The following CLASP1 variants were observed in gnomAD, a reference collection of about 807,000 sequenced individuals.
CLASP1 encodes the protein CLIP-associating protein 1.
CLASP1 carries 38 observed loss-of-function variants against 192.3 expected under a neutral mutation model. The observed-to-expected ratio is 0.20, with a 90% CI of 0.15 to 0.26. CLASP1 has a LOEUF of 0.26. CLASP1 is among the 10% of genes least tolerant of loss of function. The pLI is 1.00. For missense variants in CLASP1, 1,433 were observed against 1,932.5 expected (o/e 0.74, Z 4.85); for synonymous variants, 691 against 712.8 (o/e 0.97, Z 0.49).
exon 14 of CLASP1, chr2:121,457,716 G>A (rs1465630497): frequency 1.9e-6 from 3 of 1,613,282 alleles, no homozygotes; most frequent in Non-Finnish European, 2.5e-6. Flanking sequence ...TAGAGGTACA[G>A]TTGCTTGTTA....
chr2:121,568,784 AGAG>A lies in CLASP1; in HGVS notation c.195+36914_195+36916del, dbSNP rs557777093. Among the ~76,000 whole-genome samples, 246 of 152,192 alleles carry A rather than the reference AGAG, an allele frequency of 1.6e-3. 4 individuals carry two copies. Among genetic ancestry groups the A allele is most frequent in the African/African-American group, 5.3e-3 (220 of 41,538 alleles). On this transcript the variant is annotated intron_variant, in intron 2 of 39. Transcript: ENST00000263710. ...AGGGTCCTATAAAATAGAGCAAATC[AGAG>A]GAGAACTCTGTCATATCCAGGTCCT... is the stretch of plus-strand genomic sequence containing the variant.
chr2:121,527,531 C>T (rs574407527), intron 5 of CLASP1, among the ~76,000 whole-genome samples: 7 of 152,298 alleles, frequency 4.6e-5, no homozygotes, highest in African/African-American at 1.7e-4. Context: ...CCGGCAGTGA[C>T]TGTGCAGTTG....
chr2:121,443,146 G>A (rs985855384), intron 19 of CLASP1, among the ~76,000 whole-genome samples: 2 of 152,014 alleles, frequency 1.3e-5, no homozygotes, highest in African/African-American at 2.4e-5. Flanking sequence ...CTTCAGCAAC[G>A]GTCTCTATTG....
chr2:121,388,682 C>T (rs1205621191), intron 30 of CLASP1, among the ~76,000 whole-genome samples: 1 of 151,962 alleles, frequency 6.6e-6, no homozygotes, highest in Admixed American at 6.6e-5. Flanking sequence ...AGCACAATGC[C>T]TGAGGAATTA....
At chr2:121,508,360 C>T (rs1013178662) in intron 7 of CLASP1, among the ~76,000 whole-genome samples, 2 of 152,032 alleles carry the variant, frequency 1.3e-5, no homozygotes, top group African/African-American at 4.8e-5. Flanking sequence ...ATAATTCCCC[C>T]CAAAAAACTA....
At chr2:121,460,400 T>G (rs2087669126) in intron 11 of CLASP1, among the ~76,000 whole-genome samples, 1 of 152,186 alleles carries the variant, frequency 6.6e-6, no homozygotes, top group Non-Finnish European at 1.5e-5. Flanking sequence ...CTTAAAGTAT[T>G]TATAGATCCT....
intron 37 of CLASP1, among the ~76,000 whole-genome samples, chr2:121,352,410 A>G (rs1272375531): frequency 2.0e-5 from 3 of 152,212 alleles, no homozygotes; most frequent in Admixed American, 2.0e-4. Context: ...TTTCTTGCCA[A>G]TTCAAACTCC....
chr2:121,397,430 C>G, intron 29 of CLASP1, 147 bp from the exon 31 acceptor site: 1 of 683,722 alleles, frequency 1.5e-6, no homozygotes, highest in East Asian at 2.7e-5. Context: ...GGAGCGACAT[C>G]CAACAGAGGA....
intron 37 of CLASP1, among the ~76,000 whole-genome samples, chr2:121,360,847 T>C (rs888639882): frequency 1.9e-4 from 29 of 152,202 alleles, no homozygotes; most frequent in Admixed American, 1.8e-3. Context: ...ATGGGGACCC[T>C]TGAACCCGAG....
chr2:121,555,800 G>A (rs2058493683), intron 2 of CLASP1, among the ~76,000 whole-genome samples: 1 of 151,996 alleles, frequency 6.6e-6, no homozygotes, highest in African/African-American at 2.4e-5. Flanking sequence ...TCCTGCCTCA[G>A]CCTCCTGAGT....
intron 2 of CLASP1, among the ~76,000 whole-genome samples, chr2:121,592,669 T>C (rs930803290): frequency 3.3e-5 from 5 of 152,214 alleles, no homozygotes; most frequent in African/African-American, 1.2e-4. Flanking sequence ...TGTTTTTTTG[T>C]TTGAGACAGA....
intron 19 of CLASP1, chr2:121,445,352 C>T (rs1004640561): frequency 1.2e-5 from 8 of 653,858 alleles, no homozygotes; most frequent in Non-Finnish European, 1.9e-5. Context: ...AAAGAGTTAC[C>T]CAAAAGGCAG....
intron 2 of CLASP1, among the ~76,000 whole-genome samples, chr2:121,574,100 CGGGCAGAT>C (rs2060233870): frequency 6.6e-6 from 1 of 152,114 alleles, no homozygotes; most frequent in Non-Finnish European, 1.5e-5. Context: ...TGGCCCGAGG[CGGGCAGAT>C]CACAAGGTCA....
At chr2:121,384,448 A>G (rs2072717309) in intron 32 of CLASP1, among the ~76,000 whole-genome samples, 1 of 152,118 alleles carries the variant, frequency 6.6e-6, no homozygotes, top group Admixed American at 6.5e-5. Context: ...TTGGCCTCCC[A>G]AAGTGCTGGG....
intron 28 of CLASP1, among the ~76,000 whole-genome samples, chr2:121,400,739 T>C (rs1323843070): frequency 2.0e-5 from 3 of 152,224 alleles, no homozygotes; most frequent in Non-Finnish European, 4.4e-5. Flanking sequence ...ATTATTCCAG[T>C]TTGTAGTAAC....
Position 121,611,965 on chromosome 2 carries a change from T to C in CLASP1, c.-285-5785A>G, listed in dbSNP as rs1386283290. Among the ~76,000 whole-genome samples the C allele has an allele frequency of 5.3e-5, 7 of 131,694 alleles. No homozygotes were observed. In the South Asian group the frequency reaches 1.2e-3, roughly 23 times the overall value. 86.4% of individuals were successfully genotyped at this position (131,694 alleles called of 152,430 possible). ...GGAAGAGGAACTGGAGAAGGAGGCA[T>C]TGGAGGAGTTACAGGATAAAGTGGA... On this transcript the variant is annotated intron_variant, in intron 1 of 39. Transcript: ENST00000263710.
At chr2:121,637,335 T>C (rs1386704413) in intron 1 of CLASP1, among the ~76,000 whole-genome samples, 4 of 151,888 alleles carry the variant, frequency 2.6e-5, no homozygotes, top group African/African-American at 9.7e-5. Flanking sequence ...CACTCAGGGA[T>C]ACAGAAAATA....
At chr2:121,560,001 G>A (rs1014109691) in intron 2 of CLASP1, among the ~76,000 whole-genome samples, 10 of 152,066 alleles carry the variant, frequency 6.6e-5, no homozygotes, top group Admixed American at 2.0e-4. Flanking sequence ...AATAAAACCT[G>A]TAGTTTGATT....
In CLASP1 at chr2:121,367,486, G is replaced by A. The variant is rs374412471; in HGVS notation, c.3886+102C>T. On this transcript the variant is annotated intron_variant, in intron 35 of 39. Transcript: ENST00000263710. ...ACTAAGCAGAAAGAACAGACCCAGC[G>A]TCTCCATTTACATCTGACCAGTGGG... The A allele has an allele frequency of 1.2e-4, 178 of 1,462,400 alleles. 2 individuals carry two copies. The South Asian group carries it at 1.5e-3, about 12-fold the overall frequency. The allele number at this position is 1,462,400 out of a possible 1,614,324, so 90.6% of individuals were successfully genotyped here. A position where few individuals can be genotyped will look rare whatever the true frequency, so the allele number is the denominator to read the frequency against.
Sources: allele counts gnomAD v4.1 joint callset (sites outside exome capture counted in the v4.1 genomes callset), GRCh38; gene constraint gnomAD v4.1.1; transcripts MANE v1.5; gene names NCBI Gene and HGNC (gene_info 2026-07-23, HGNC 2026-07-21).